Variants in SPON1 observed in about 807,000 individuals in gnomAD.
The protein encoded by SPON1 is spondin-1.
Under a neutral mutation model 111.7 loss-of-function variants are expected in SPON1, and 52 were observed. The observed-to-expected ratio is 0.47, with a 90% CI of 0.37 to 0.59. The LOEUF (loss-of-function observed/expected upper bound fraction) is 0.59. SPON1 is among the 20% of genes least tolerant of loss of function. SPON1 has a pLI of 0.00. For missense variants in SPON1, 957 were observed against 1,068.5 expected (o/e 0.90, Z 1.46); for synonymous variants, 410 against 395.8 (o/e 1.04, Z -0.43).
intron 2 of SPON1, among the ~76,000 whole-genome samples, chr11:14,015,380 G>A (rs1848437390): frequency 6.6e-6 from 1 of 152,118 alleles, no homozygotes; most frequent in Admixed American, 6.5e-5. Context: ...AATATAAGCA[G>A]TTTCATCTCT....
At chr11:14,057,135 T>G (rs1045771261) in intron 3 of SPON1, among the ~76,000 whole-genome samples, 1 of 152,162 alleles carries the variant, frequency 6.6e-6, no homozygotes, top group Non-Finnish European at 1.5e-5. Flanking sequence ...CTCAAAGTAC[T>G]TGCCCTTGAA....
intron 1 of SPON1, among the ~76,000 whole-genome samples, chr11:13,965,042 A>G (rs1370948344): frequency 6.6e-6 from 1 of 152,148 alleles, no homozygotes; most frequent in African/African-American, 2.4e-5. Flanking sequence ...ATGAGTTTAC[A>G]AAGGTGAGTG....
intron 5 of SPON1, among the ~76,000 whole-genome samples, chr11:14,123,486 T>G (rs76914973): frequency 0.021 from 3,210 of 152,232 alleles, 109 homozygotes; most frequent in African/African-American, 0.073. Flanking sequence ...GTTCAGCAAG[T>G]TCTCTCTAAC....
chr11:14,219,116 C>T (rs1415838983), intron 6 of SPON1, among the ~76,000 whole-genome samples: 1 of 152,156 alleles, frequency 6.6e-6, no homozygotes, highest in African/African-American at 2.4e-5. Context: ...TTGTCCCCCA[C>T]CCACTGCCAC....
chr11:14,195,538 T>C (rs138443065), intron 6 of SPON1, among the ~76,000 whole-genome samples: 7 of 152,308 alleles, frequency 4.6e-5, no homozygotes, highest in Non-Finnish European at 8.8e-5. Context: ...AGCATAATAC[T>C]TGAGACTTGA....
intron 7 of SPON1, among the ~76,000 whole-genome samples, chr11:14,245,816 C>T (rs935091194): frequency 1.3e-5 from 2 of 152,218 alleles, no homozygotes; most frequent in African/African-American, 2.4e-5. Context: ...CAGGAAATGC[C>T]TTGCCCTCCA....
chr11:14,047,663 C>T (rs893838613), intron 3 of SPON1, among the ~76,000 whole-genome samples: 4 of 152,076 alleles, frequency 2.6e-5, no homozygotes, highest in Non-Finnish European at 5.9e-5. Context: ...ATCTTGAAGA[C>T]AGTGTTAGGG....
chr11:14,127,722 T>C (rs1455066775), intron 5 of SPON1, among the ~76,000 whole-genome samples: 1 of 152,240 alleles, frequency 6.6e-6, no homozygotes, highest in African/African-American at 2.4e-5. Flanking sequence ...GCCTGACACA[T>C]AGTAAAGTCT....
intron 6 of SPON1, among the ~76,000 whole-genome samples, chr11:14,173,832 G>T (rs1848139588): frequency 6.6e-6 from 1 of 152,154 alleles, no homozygotes; most frequent in Non-Finnish European, 1.5e-5. Context: ...AAACGTTTCT[G>T]CCTGATCGTT....
Position 14,052,923 on chromosome 11 carries a change from T to C in SPON1, c.479+11269T>C, listed in dbSNP as rs989557827. On this transcript the variant is annotated intron_variant, in intron 3 of 15. Transcript: ENST00000576479. ...GTGGGAAGACTAAAGCACTGCCAGA[T>C]TGCACCAACATCGTGGGGATCCTGG... Among the ~76,000 whole-genome samples, 54 of 152,246 alleles carry C rather than the reference T, an allele frequency of 3.5e-4. 1 individual carries two copies. Among genetic ancestry groups the C allele is most frequent in the African/African-American group, 1.0e-3 (43 of 41,560 alleles).
At chr11:13,969,854 G>A (rs1848048981) in intron 1 of SPON1, among the ~76,000 whole-genome samples, 1 of 152,162 alleles carries the variant, frequency 6.6e-6, no homozygotes, top group South Asian at 2.1e-4. Flanking sequence ...CTCCAGCATT[G>A]GAAGAGAGCA....
intron 2 of SPON1, among the ~76,000 whole-genome samples, chr11:14,024,592 C>T (rs926368629): frequency 5.9e-5 from 9 of 152,094 alleles, no homozygotes; most frequent in African/African-American, 2.2e-4. Flanking sequence ...TCTGCTCCTC[C>T]GATGTCTAGC....
chr11:14,133,772 T>C (rs1847553695), intron 5 of SPON1, among the ~76,000 whole-genome samples: 1 of 152,226 alleles, frequency 6.6e-6, no homozygotes, highest in African/African-American at 2.4e-5. Flanking sequence ...GCAGCATCTC[T>C]ATCTGTCTAC....
At chr11:14,086,161 G>C (rs1554922580) in intron 5 of SPON1, among the ~76,000 whole-genome samples, 1 of 151,988 alleles carries the variant, frequency 6.6e-6, no homozygotes, top group African/African-American at 2.4e-5. Context: ...TGATTGCCCT[G>C]GTCAGAACTT....
At chr11:14,176,892 C>T (rs186886959) in intron 6 of SPON1, among the ~76,000 whole-genome samples, 27 of 152,260 alleles carry the variant, frequency 1.8e-4, no homozygotes, top group African/African-American at 4.6e-4. Context: ...TCGCCTTGCC[C>T]GCTGCCTAGA....
chr11:14,197,494 A>AATAC (rs1554935208), intron 6 of SPON1, among the ~76,000 whole-genome samples: 1 of 148,504 alleles, frequency 6.7e-6, no homozygotes, highest in Non-Finnish European at 1.5e-5. Context: ...TTTAAAAATA[A>AATAC]ATAAATAAAT....
chr11:14,214,366 A>G (rs1848605735), intron 6 of SPON1, among the ~76,000 whole-genome samples: 1 of 152,156 alleles, frequency 6.6e-6, no homozygotes, highest in South Asian at 2.1e-4. Flanking sequence ...CAGAATAAAA[A>G]CATGCCCTTG....
chr11:14,220,643 A>C (rs539704808), intron 6 of SPON1, among the ~76,000 whole-genome samples: 10 of 152,350 alleles, frequency 6.6e-5, no homozygotes, highest in Admixed American at 2.6e-4. Flanking sequence ...TTAGAAATCC[A>C]TTTCAACATC....
At chr11:14,036,822 G>A (rs548880263) in intron 2 of SPON1, among the ~76,000 whole-genome samples, 9 of 152,188 alleles carry the variant, frequency 5.9e-5, no homozygotes, top group African/African-American at 1.7e-4. Flanking sequence ...GAAGTTGGGG[G>A]AGGGCACCAA....
Sources: allele counts gnomAD v4.1 joint callset (sites outside exome capture counted in the v4.1 genomes callset), GRCh38; gene constraint gnomAD v4.1.1; transcripts MANE v1.5; gene names NCBI Gene and HGNC (gene_info 2026-07-23, HGNC 2026-07-21).